The following NFIA variants were observed in gnomAD, a reference collection of about 807,000 sequenced individuals.
NFIA encodes the protein nuclear factor I A.
NFIA carries 8 observed loss-of-function variants against 62.8 expected under a neutral mutation model. That is an observed-to-expected ratio of 0.13 (90% CI 0.07 to 0.23). The LOEUF is 0.23. Ranked by LOEUF, NFIA falls within the 10% of genes least tolerant of loss-of-function variation. The probability of loss-of-function intolerance (pLI) is 1.00; values close to 1 mark genes in which losing one functional copy is unlikely to be tolerated. For missense variants in NFIA, 410 were observed against 642.1 expected (o/e 0.64, Z 3.91); for synonymous variants, 235 against 238.1 (o/e 0.99, Z 0.12).
chr1:61,242,771 T>A (rs142604934), intron 2 of NFIA, among the ~76,000 whole-genome samples: 1 of 152,192 alleles, frequency 6.6e-6, no homozygotes, highest in Non-Finnish European at 1.5e-5. Flanking sequence ...TTTTATTTAA[T>A]GCTTAAGTAG....
At chr1:61,412,251 T>C (rs2100534012) in intron 9 of NFIA, among the ~76,000 whole-genome samples, 1 of 152,050 alleles carries the variant, frequency 6.6e-6, no homozygotes, top group Non-Finnish European at 1.5e-5. Context: ...TACATTTTAG[T>C]GGAAGGGGAT....
At chr1:61,254,015 G>A (rs1656220163) in intron 2 of NFIA, among the ~76,000 whole-genome samples, 2 of 152,004 alleles carry the variant, frequency 1.3e-5, no homozygotes, top group Admixed American at 1.3e-4. Context: ...TGGTGGTGGT[G>A]GTGTTTTACA....
chr1:61,372,811 T>G (rs1361477828), intron 6 of NFIA, among the ~76,000 whole-genome samples: 1 of 152,128 alleles, frequency 6.6e-6, no homozygotes, highest in African/African-American at 2.4e-5. Context: ...TTTGAAGTAT[T>G]TTTAAGCTTT....
At chr1:61,229,678 G>A (rs983858121) in intron 2 of NFIA, among the ~76,000 whole-genome samples, 2 of 151,996 alleles carry the variant, frequency 1.3e-5, no homozygotes, top group Non-Finnish European at 2.9e-5. Context: ...TCCCCAACAT[G>A]CATTTATTGC....
At chr1:61,125,806 G>A (rs1646957322) in intron 2 of NFIA, among the ~76,000 whole-genome samples, 1 of 152,148 alleles carries the variant, frequency 6.6e-6, no homozygotes, top group East Asian at 1.9e-4. Context: ...GATCACCTAA[G>A]CCTAGTTTTG....
chr1:61,334,535 A>ATG (rs35661377), intron 4 of NFIA, among the ~76,000 whole-genome samples: 1,661 of 58,084 alleles, frequency 0.029, 132 homozygotes, highest in Non-Finnish European at 0.034. Flanking sequence ...GTGTGTATAT[A>ATG]TGTGTGTGTG....
At chr1:61,192,174 G>A (rs566370355) in intron 2 of NFIA, among the ~76,000 whole-genome samples, 2 of 152,200 alleles carry the variant, frequency 1.3e-5, no homozygotes, top group South Asian at 2.1e-4. Context: ...TAGCCAGGAT[G>A]GTTTCGATCT....
At chr1:61,175,033 C>CA (rs765136632) in intron 2 of NFIA, among the ~76,000 whole-genome samples, 1 of 151,786 alleles carries the variant, frequency 6.6e-6, no homozygotes, top group Non-Finnish European at 1.5e-5. Context: ...TAAAAAAAAA[C>CA]AAAAAAACAC....
chr1:61,333,857 G>A (rs1436099429), intron 4 of NFIA, among the ~76,000 whole-genome samples: 1 of 152,026 alleles, frequency 6.6e-6, no homozygotes, highest in Non-Finnish European at 1.5e-5. Flanking sequence ...AAGATTAGCT[G>A]GGCATGGTGG....
intron 2 of NFIA, among the ~76,000 whole-genome samples, chr1:61,160,512 A>G (rs1178961240): frequency 1.3e-5 from 2 of 152,204 alleles, no homozygotes; most frequent in African/African-American, 4.8e-5. Flanking sequence ...ATCTCTAGAC[A>G]CTTTCCCATC....
chr1:61,296,792 T>C (rs1262738221), intron 3 of NFIA, among the ~76,000 whole-genome samples: 1 of 152,170 alleles, frequency 6.6e-6, no homozygotes, highest in Non-Finnish European at 1.5e-5. Flanking sequence ...AAAGAAAACC[T>C]CTCATATATA....
At chr1:61,144,846 G>A (rs555718206) in intron 2 of NFIA, among the ~76,000 whole-genome samples, 2 of 152,272 alleles carry the variant, frequency 1.3e-5, no homozygotes, top group East Asian at 3.9e-4. Flanking sequence ...CTCAAGGTCT[G>A]CAGCTACTTA....
At chr1:61,316,584 C>G (rs559733777) in intron 3 of NFIA, among the ~76,000 whole-genome samples, 1 of 152,238 alleles carries the variant, frequency 6.6e-6, no homozygotes, top group South Asian at 2.1e-4. Flanking sequence ...GGAACTGATT[C>G]CCCTCCGAAT....
intron 3 of NFIA, among the ~76,000 whole-genome samples, chr1:61,326,286 G>C (rs138733787): frequency 1.3e-5 from 2 of 152,130 alleles, no homozygotes; most frequent in South Asian, 4.2e-4. Context: ...CATCAGAAAC[G>C]CCTGAATCAA....
chr1:61,448,218 G>T (rs1264907425), intron 10 of NFIA, among the ~76,000 whole-genome samples: 1 of 152,034 alleles, frequency 6.6e-6, no homozygotes, highest in Non-Finnish European at 1.5e-5. Context: ...GCAAGGCAAG[G>T]GCCCAAATGC....
chr1:61,439,482 A>G (rs1421883626), intron 10 of NFIA: 1 of 152,146 alleles, frequency 6.6e-6, no homozygotes, highest in Non-Finnish European at 1.5e-5. Flanking sequence ...TATTATGGGA[A>G]ACATTGATCT....
At chr1:61,096,182 C>A (rs1256580357) in intron 2 of NFIA, among the ~76,000 whole-genome samples, 1 of 151,964 alleles carries the variant, frequency 6.6e-6, no homozygotes, top group Admixed American at 6.6e-5. Flanking sequence ...CAATTTCGTG[C>A]CCTTAAATTA....
intron 10 of NFIA, among the ~76,000 whole-genome samples, chr1:61,441,958 C>T (rs774254405): frequency 5.3e-5 from 8 of 151,686 alleles, no homozygotes; most frequent in Admixed American, 3.9e-4. Flanking sequence ...TTGCTTGGCT[C>T]ATCCCTTGGG....
chr1:61,350,700 T>C (rs552745287), intron 4 of NFIA, among the ~76,000 whole-genome samples: 10 of 152,172 alleles, frequency 6.6e-5, no homozygotes, highest in Non-Finnish European at 1.5e-4. Context: ...CCATCCTTCC[T>C]CTTTCCCGTG....
Sources: allele counts gnomAD v4.1 joint callset (sites outside exome capture counted in the v4.1 genomes callset), GRCh38; gene constraint gnomAD v4.1.1; transcripts MANE v1.5; gene names NCBI Gene and HGNC (gene_info 2026-07-23, HGNC 2026-07-21).